The following NBN variants were observed in gnomAD, a reference collection of about 807,000 sequenced individuals.
NBN encodes Nijmegen breakage syndrome 1 (nibrin).
Under a neutral mutation model 90.8 loss-of-function variants are expected in NBN, and 88 were observed. The ratio of observed to expected loss-of-function variants is 0.97; its 90% CI spans 0.82 to 1.16. The LOEUF is 1.16. Ranked by LOEUF, NBN falls within the 50% of genes most tolerant of loss-of-function variation. NBN has a pLI of 0.00. For synonymous variants in NBN, 328 were observed against 295.1 expected, an observed-to-expected ratio of 1.11 and a Z score of -1.14; for missense variants, 894 against 869.6, an observed-to-expected ratio of 1.03 and a Z score of -0.35.
chr8:89,978,412 T>C, intron 4 of NBN, 89 bp from the exon 5 acceptor site: 1 of 1,004,094 alleles, frequency 1.0e-6, no homozygotes, highest in South Asian at 1.5e-5. Flanking sequence ...AAAGAGGCTG[T>C]TTACATCCAT....
chr8:89,953,028 C>T (rs1314607715), intron 11 of NBN, among the ~76,000 whole-genome samples: 1 of 152,100 alleles, frequency 6.6e-6, no homozygotes, highest in African/African-American at 2.4e-5. Flanking sequence ...GTAAAACAAT[C>T]TCATATGAAA....
chr8:89,967,438 A>G (rs1047068516), intron 7 of NBN, among the ~76,000 whole-genome samples: 14 of 152,160 alleles, frequency 9.2e-5, no homozygotes, highest in Non-Finnish European at 2.1e-4. Flanking sequence ...TAGATGACAG[A>G]TTTTTTCAAA....
At chr8:89,956,474 T>G (rs1810723476) in intron 9 of NBN, among the ~76,000 whole-genome samples, 1 of 152,082 alleles carries the variant, frequency 6.6e-6, no homozygotes, top group South Asian at 2.1e-4. Flanking sequence ...AAATCCCTCT[T>G]CAGATAAAGA....
At chr8:89,984,424 C>T (rs1049062648) in intron 1 of NBN, 101 bp downstream of exon 1, 4 of 1,132,302 alleles carry the variant, frequency 3.5e-6, no homozygotes, top group African/African-American at 3.1e-5. Flanking sequence ...CCGCAGCGTC[C>T]CCGGGCAGGA....
At chr8:89,964,306 G>A (rs1811135526) in intron 8 of NBN, 104 bp downstream of exon 8, 8 of 1,268,490 alleles carry the variant, frequency 6.3e-6, no homozygotes, top group East Asian at 2.3e-5. Flanking sequence ...TTTAAAACAT[G>A]GTGAATATGG....
At chr8:89,973,270 T>G (rs1484923358) in intron 5 of NBN, among the ~76,000 whole-genome samples, 4 of 152,260 alleles carry the variant, frequency 2.6e-5, no homozygotes, top group Non-Finnish European at 5.9e-5. Context: ...AAAATTCAAC[T>G]TAATAATTTA....
chr8:89,970,532 A>G lies in NBN; in HGVS notation c.728T>C (p.Val243Ala), dbSNP rs1811465064. The G allele has an allele frequency of 6.2e-7, 1 of 1,613,724 alleles. No individual in the cohort carries two copies. The highest frequency in any genetic ancestry group is 8.5e-7 in the Non-Finnish European group (1 of 1,179,786). ...KQHKKLSSAV[V>A]FGGGEARLIT... ...CAACCTAGCTTCCCCACCTCCAAAG[A>G]CAACTGCGGAACTCAATTTCTTATG... Residue 243 changes from valine (V) to alanine (A), a missense_variant, in exon 7 of 16, where the codon GTC (valine) becomes GCC (alanine). Val to Ala is a moderately conservative substitution (Grantham distance 64). Transcript: ENST00000265433.
At chr8:89,974,684 C>T (rs1193915690) in intron 5 of NBN, among the ~76,000 whole-genome samples, 1 of 152,124 alleles carries the variant, frequency 6.6e-6, no homozygotes, top group African/African-American at 2.4e-5. Flanking sequence ...GAGAGGAACA[C>T]TGAACTTGGG....
At chr8:89,968,054 TCAAGAC>T (rs999799362) in intron 7 of NBN, among the ~76,000 whole-genome samples, 7 of 152,092 alleles carry the variant, frequency 4.6e-5, no homozygotes, top group Non-Finnish European at 8.8e-5. Context: ...GCTCAGGAGT[TCAAGAC>T]CAGCCTGGGC....
chr8:89,969,268 GCT>G (rs1330535143), intron 7 of NBN, among the ~76,000 whole-genome samples: 1 of 152,170 alleles, frequency 6.6e-6, no homozygotes, highest in Non-Finnish European at 1.5e-5. Context: ...CCTTCAGTTA[GCT>G]CTTTTACAGT....
At chr8:89,977,344 G>A (rs969184547) in intron 5 of NBN, among the ~76,000 whole-genome samples, 1 of 152,008 alleles carries the variant, frequency 6.6e-6, no homozygotes, top group African/African-American at 2.4e-5. Context: ...TCCTGTGTTA[G>A]TTTGCTGAGA....
chr8:89,983,958 C>G (rs1023948869), intron 1 of NBN, among the ~76,000 whole-genome samples: 2 of 152,178 alleles, frequency 1.3e-5, no homozygotes, highest in Admixed American at 1.3e-4. Context: ...TCACACCCAC[C>G]ACGGGCAACC....
rs77774030 is a variant in NBN, at chr8:89,941,096, T to C, written c.2184+2157A>G. Among the ~76,000 whole-genome samples the C allele has an allele frequency of 7.1e-3, 1,085 of 152,138 alleles. 17 individuals are homozygous for C. The highest frequency in any genetic ancestry group is 0.025 in the African/African-American group (1,020 of 41,502). ...AAATAGATGTGGACGACAAAGGTAA[T>C]CCAATGAAAGGATAGTTATGTCTTA... On this transcript the variant is annotated intron_variant, in intron 14 of 15. Coordinates refer to ENST00000265433, the MANE Select transcript of NBN (RefSeq NM_002485.5).
At chr8:89,968,716 C>T (rs1465485796) in intron 7 of NBN, among the ~76,000 whole-genome samples, 1 of 152,132 alleles carries the variant, frequency 6.6e-6, no homozygotes, top group Non-Finnish European at 1.5e-5. Flanking sequence ...GAATAAGCTT[C>T]TTCCCCACTG....
rs1060503471 is a variant in NBN at position 89,981,474 on chromosome 8, T to C, written c.221A>G (p.Tyr74Cys). Residue 74 changes from tyrosine (Y) to cysteine (C), a missense_variant, in exon 3 of 16, where the codon TAT becomes TGT. Coordinates refer to ENST00000265433, the MANE Select transcript of NBN (RefSeq NM_002485.5). ...TTTTTCCTCATTAACAAAGGTACCA[T>C]ACTTAGAATTATCTTTTAATGTCAA... is the stretch of plus-strand genomic sequence containing the variant. ...PVLTLKDNSK[Y>C]GTFVNEEKMQ... 2 of 1,612,950 alleles carry C rather than the reference T, an allele frequency of 1.2e-6. No homozygotes were observed. The highest frequency in any genetic ancestry group is 1.7e-6 in the Non-Finnish European group (2 of 1,178,972).
intron 8 of NBN, among the ~76,000 whole-genome samples, chr8:89,963,115 G>C (rs2129776418): frequency 6.6e-6 from 1 of 152,282 alleles, no homozygotes; most frequent in East Asian, 1.9e-4. Flanking sequence ...GCACACTCCA[G>C]AGACAGCAGT....
chr8:89,962,469 A>G (rs1811035939), intron 8 of NBN, among the ~76,000 whole-genome samples: 1 of 152,172 alleles, frequency 6.6e-6, no homozygotes. Flanking sequence ...CTAGTTCTAA[A>G]AGTTGAGCAT....
At chr8:89,960,435 A>T (rs1810937467) in intron 8 of NBN, among the ~76,000 whole-genome samples, 3 of 152,150 alleles carry the variant, frequency 2.0e-5, no homozygotes, top group Admixed American at 6.5e-5. Context: ...GGACTGCTTG[A>T]GGCCAGGAGT....
At position 89,980,669 on chromosome 8, in the gene NBN, G is replaced by A; in HGVS notation, c.480+65C>T. On this transcript the variant is annotated intron_variant, in intron 4 of 15. Coordinates refer to ENST00000265433, the MANE Select transcript of NBN (RefSeq NM_002485.5). ...TTAAAGTAATTAAAAAAAAATCTGT[G>A]TATAGTGGGTAAGCTTAAATTCAAA... 11 of 1,381,352 alleles carry A rather than the reference G, an allele frequency of 8.0e-6. No individual in the cohort carries two copies. The South Asian group carries it at 1.1e-4, about 13-fold the overall frequency. The allele number at this position is 1,381,352 out of a possible 1,614,324, so 85.6% of individuals were successfully genotyped here.
Sources: gnomAD v4.1 joint callset for allele counts (sites outside exome capture counted in the v4.1 genomes callset) on GRCh38, gnomAD v4.1.1 for gene constraint, MANE v1.5 for transcripts, NCBI Gene and HGNC (gene_info 2026-07-23, HGNC 2026-07-21) for gene names.